Variants in IQCE observed in about 807,000 individuals in gnomAD.
IQCE encodes IQ motif containing E.
IQCE carries 115 observed loss-of-function variants against 96.0 expected under a neutral mutation model. The observed-to-expected ratio is 1.20, with a 90% confidence interval of 1.03 to 1.40. The LOEUF (loss-of-function observed/expected upper bound fraction) is 1.40, where lower values mean the gene tolerates loss of function less well. IQCE is among the 40% of genes most tolerant of loss of function. The pLI is 0.00. For missense variants in IQCE, 1,041 were observed against 909.1 expected (o/e 1.15, Z -1.87); for synonymous variants, 412 against 371.2 (o/e 1.11, Z -1.26).
chr7:2,588,618 G>A (rs1161230867), intron 13 of IQCE, among the ~76,000 whole-genome samples: 2 of 141,938 alleles, frequency 1.4e-5, no homozygotes, highest in African/African-American at 5.4e-5. Context: ...CTCCTGAAGT[G>A]CTGGGATTAC....
At chr7:2,568,095 A>G (rs1250569579) in intron 2 of IQCE, among the ~76,000 whole-genome samples, 1 of 152,208 alleles carries the variant, frequency 6.6e-6, no homozygotes, top group Non-Finnish European at 1.5e-5. Context: ...TCCCCAGGCC[A>G]CGGCACGACG....
intron 17 of IQCE, among the ~76,000 whole-genome samples, chr7:2,600,949 T>G (rs921315096): frequency 5.3e-5 from 8 of 152,204 alleles, no homozygotes; most frequent in Admixed American, 2.0e-4. Context: ...GGGTGACTGA[T>G]GACCAGTCAG....
intron 8 of IQCE, among the ~76,000 whole-genome samples, chr7:2,582,229 G>T (rs1782729593): frequency 6.6e-6 from 1 of 152,182 alleles, no homozygotes; most frequent in Admixed American, 6.5e-5. Flanking sequence ...GGTTTATCCA[G>T]CTGGTGATGG....
In IQCE at chr7:2,583,642, T is replaced by C. The variant is rs757911608; in HGVS notation, c.707T>C (p.Leu236Pro). The change falls in exon 10 of 22, where the codon CTC (leucine) becomes CCC (proline). Residue 236 changes from leucine to proline, a missense_variant. Transcript: ENST00000402050. ...CGCTGAACTTGGGTTTTCAGCAAAC[T>C]CCAGACCGATATGAAGACTACCAAC... ...CKEKDGTISK[L>P]QTDMKTTNLE... 1 of 1,589,472 alleles carries C rather than the reference T, an allele frequency of 6.3e-7. No individual in the cohort carries two copies. The highest frequency in any genetic ancestry group is 2.3e-5 in the East Asian group (1 of 43,394).
intron 15 of IQCE, among the ~76,000 whole-genome samples, chr7:2,593,542 C>T (rs564672149): frequency 4.1e-4 from 63 of 152,406 alleles, no homozygotes; most frequent in Non-Finnish European, 6.5e-4. Context: ...ACCCTGAGGT[C>T]GACCACGCGT....
intron 11 of IQCE, among the ~76,000 whole-genome samples, chr7:2,585,495 G>A (rs1168508681): frequency 3.9e-5 from 6 of 152,254 alleles, no homozygotes; most frequent in African/African-American, 1.4e-4. Context: ...GTCTCCACGG[G>A]GGCCCACACA....
chr7:2,578,549 A>G (rs1782394746), intron 8 of IQCE, 23 bp downstream of exon 8: 2 of 1,613,410 alleles, frequency 1.2e-6, no homozygotes, highest in Middle Eastern at 1.7e-4. Context: ...TGTGCAGGAC[A>G]GAGCCTTTCC....
In IQCE at chr7:2,571,667, C is replaced by T. The variant is rs767339646; in HGVS notation, c.259+13C>T. ...ACCGCAAAGCCAGGTATGTGGTTGTCGCACTGGAGACCCTTCCTGCTTGAG... is the reference window on the plus strand; with the variant it reads ...ACCGCAAAGCCAGGTATGTGGTTGTTGCACTGGAGACCCTTCCTGCTTGAG... On this transcript the variant is annotated intron_variant, in intron 4 of 21. Transcript: ENST00000402050. The T allele has an allele frequency of 1.4e-5, 23 of 1,596,620 alleles. No homozygotes were observed. Among genetic ancestry groups the T allele is most frequent in the Admixed American group, 3.4e-5 (2 of 59,588 alleles).
Position 2,572,197 on chromosome 7 carries a change from C to A in IQCE, c.265C>A (p.Leu89Met). 6.2e-7 allele frequency: 1 copy of A among 1,613,036 alleles called. No homozygotes were observed. Among genetic ancestry groups the A allele is most frequent in the East Asian group, 2.2e-5 (1 of 44,872 alleles). ...LWLGTAKPGS[L>M]TQALNSPLTW... is the part of the protein sequence containing the mutation. ...CCCATGCACATTCAAACCAGGAAGT[C>A]TGACCCAGGCCCTGAACTCACCCCT... Residue 89 changes from leucine (L) to methionine (M), a missense_variant, in exon 5 of 22, where the codon CTG becomes ATG. By Grantham distance (15) the Leu-to-Met change is conservative. Transcript: ENST00000402050.
intron 13 of IQCE, among the ~76,000 whole-genome samples, chr7:2,589,333 C>T (rs1783389996): frequency 6.6e-6 from 1 of 152,012 alleles, no homozygotes; most frequent in Non-Finnish European, 1.5e-5. Flanking sequence ...GCACTCCAGC[C>T]TAGGTGACAG....
intron 21 of IQCE, among the ~76,000 whole-genome samples, chr7:2,607,808 T>G (rs1784939533): frequency 6.6e-6 from 1 of 152,226 alleles, no homozygotes; most frequent in Non-Finnish European, 1.5e-5. Context: ...TGTCTTATCC[T>G]GCAATTAGAA....
chr7:2,586,415 CA>C, intron 12 of IQCE, 44 bp downstream of exon 12: 1 of 1,408,420 alleles, frequency 7.1e-7, no homozygotes, highest in Non-Finnish European at 9.3e-7. Flanking sequence ...CAGGGAATGG[CA>C]GGGAATGGCA....
chr7:2,561,422 ATTT>A (rs1411351609), intron 1 of IQCE, among the ~76,000 whole-genome samples: 1 of 143,466 alleles, frequency 7.0e-6, no homozygotes, highest in Non-Finnish European at 1.5e-5. Flanking sequence ...ATATACAATA[ATTT>A]TTTTTTTTTT....
Position 2,614,501 on chromosome 7 carries a change from C to G in IQCE, c.*4339C>G, listed in dbSNP as rs1051355837. 1 of 152,154 alleles carries G rather than the reference C, an allele frequency of 6.6e-6. No homozygotes were observed. Among genetic ancestry groups the G allele is most frequent in the Admixed American group, 6.5e-5 (1 of 15,280 alleles). 9.4% of individuals were successfully genotyped at this position (152,154 alleles called of 1,614,324 possible). On this transcript the variant is annotated 3_prime_UTR_variant, in exon 22 of 22. Transcript: ENST00000402050. ...GTACAGACCACGGCTGGGTAAGCAC[C>G]CTTAAAAGCAACAGAAATGACGTCT... is the stretch of plus-strand genomic sequence containing the variant.
At chr7:2,584,130 G>A (rs1782913918) in intron 10 of IQCE, 106 bp from the exon 11 acceptor site, 11 of 993,268 alleles carry the variant, frequency 1.1e-5, no homozygotes, top group Admixed American at 5.1e-5. Flanking sequence ...CTTAGTTCCC[G>A]CTTCTGGCCG....
chr7:2,572,440 CTCCGTCACTG>C, intron 5 of IQCE, 114 bp downstream of exon 5: 1 of 1,178,552 alleles, frequency 8.5e-7, no homozygotes, highest in Non-Finnish European at 1.2e-6. Flanking sequence ...CGTGCATGAG[CTCCGTCACTG>C]GGAGGTTTTG....
At chr7:2,583,389 T>G (rs950767339) in intron 9 of IQCE, among the ~76,000 whole-genome samples, 11 of 152,202 alleles carry the variant, frequency 7.2e-5, no homozygotes, top group Non-Finnish European at 1.5e-4. Flanking sequence ...AAAAGCTGTT[T>G]ACTCACTTTG....
chr7:2,567,484 G>A (rs1420624868), intron 2 of IQCE, among the ~76,000 whole-genome samples: 1 of 152,214 alleles, frequency 6.6e-6, no homozygotes, highest in East Asian at 1.9e-4. Context: ...GAGAGCCCCT[G>A]CTAATGCCGT....
At chr7:2,582,704 T>G in intron 9 of IQCE, 54 bp downstream of exon 9, 1 of 1,520,436 alleles carries the variant, frequency 6.6e-7, no homozygotes, top group East Asian at 2.3e-5. Flanking sequence ...TTCTGCTTGC[T>G]CAGACGCCCG....
Sources: gnomAD v4.1 joint callset for allele counts (sites outside exome capture counted in the v4.1 genomes callset) on GRCh38, gnomAD v4.1.1 for gene constraint, MANE v1.5 for transcripts, NCBI Gene and HGNC (gene_info 2026-07-23, HGNC 2026-07-21) for gene names.